SPAG17: variants seen among roughly 807,000 people sequenced by gnomAD.
The protein encoded by SPAG17 is sperm-associated antigen 17.
Under a neutral mutation model 273.6 loss-of-function variants are expected in SPAG17, and 169 were observed. The ratio of observed to expected loss-of-function variants is 0.62; its 90% CI spans 0.55 to 0.70. The LOEUF (loss-of-function observed/expected upper bound fraction) is 0.70. Among genes scored for constraint, SPAG17 ranks in the 30% least tolerant of loss-of-function variants. The pLI, the probability that SPAG17 is intolerant of heterozygous loss-of-function variation, is 0.00. For missense variants in SPAG17, 2,557 were observed against 2,627.8 expected (o/e 0.97, Z 0.59); for synonymous variants, 825 against 873.2 (o/e 0.94, Z 0.97).
intron 32 of SPAG17, among the ~76,000 whole-genome samples, chr1:117,999,998 G>T (rs1167932782): frequency 1.3e-5 from 2 of 152,126 alleles, no homozygotes; most frequent in African/African-American, 4.8e-5. Context: ...ATTAATTTTT[G>T]TCTAAGGTGT....
chr1:118,184,941 G>A (rs2102418178), intron 1 of SPAG17, 130 bp downstream of exon 1: 1 of 761,298 alleles, frequency 1.3e-6, no homozygotes, highest in East Asian at 2.5e-5. Flanking sequence ...CTGGGACCCT[G>A]GGTCCTGGAA....
At chr1:118,144,693 C>T (rs1191557465) in intron 3 of SPAG17, among the ~76,000 whole-genome samples, 1 of 152,180 alleles carries the variant, frequency 6.6e-6, no homozygotes, top group African/African-American at 2.4e-5. Context: ...GTTCTGTAGG[C>T]ATCCCTGAAG....
At chr1:118,179,409 C>T (rs978544784) in intron 1 of SPAG17, among the ~76,000 whole-genome samples, 2 of 151,982 alleles carry the variant, frequency 1.3e-5, no homozygotes, top group Non-Finnish European at 2.9e-5. Flanking sequence ...TGAAACTAGA[C>T]CCCTGTCTCT....
At chr1:118,089,255 C>A (rs150674690) in intron 10 of SPAG17, among the ~76,000 whole-genome samples, 195 of 150,704 alleles carry the variant, frequency 1.3e-3, no homozygotes, top group African/African-American at 4.6e-3. Context: ...GCTTTCTAGG[C>A]AGAGAAGGTA....
chr1:118,025,417 C>G lies in SPAG17; in HGVS notation c.3731-1G>C. 1 of 1,527,668 alleles carries G rather than the reference C, an allele frequency of 6.5e-7. No homozygotes were observed. The highest frequency in any genetic ancestry group is 2.3e-5 in the East Asian group (1 of 42,648). 94.6% of individuals were successfully genotyped at this position (1,527,668 alleles called of 1,614,324 possible). ...GGTTCCTCATCTATAACATATTGAC[C>G]TAAAAAAAGAATAAAGCCTTCTTGT... On this transcript the variant is annotated splice_acceptor_variant, in intron 26 of 48. Coordinates refer to ENST00000336338, the MANE Select transcript of SPAG17 (RefSeq NM_206996.4). LOFTEE classifies it high-confidence loss of function.
intron 3 of SPAG17, among the ~76,000 whole-genome samples, chr1:118,134,306 AG>A (rs369044265): frequency 6.6e-6 from 1 of 152,344 alleles, no homozygotes; most frequent in African/African-American, 2.4e-5. Flanking sequence ...CTAACATCAC[AG>A]TATGTGGAAA....
chr1:117,985,635 C>T (rs1656318993), intron 40 of SPAG17, among the ~76,000 whole-genome samples: 2 of 152,144 alleles, frequency 1.3e-5, no homozygotes, highest in African/African-American at 4.8e-5. Flanking sequence ...CTTTTTAATA[C>T]AAGCACTGAT....
chr1:118,173,845 G>A (rs1005806997), intron 1 of SPAG17, among the ~76,000 whole-genome samples: 1 of 135,560 alleles, frequency 7.4e-6, no homozygotes, highest in Admixed American at 7.5e-5. Context: ...GGGTGACAGA[G>A]CGAGACCCTG....
chr1:117,954,235 A>T, intron 48 of SPAG17, 186 bp from the exon 49 acceptor site: 1 of 748,854 alleles, frequency 1.3e-6, no homozygotes, highest in Non-Finnish European at 2.1e-6. Flanking sequence ...ACTATATTAG[A>T]AGAAATTGAG....
intron 30 of SPAG17, among the ~76,000 whole-genome samples, chr1:118,011,307 A>T (rs1659440197): frequency 2.0e-5 from 3 of 152,210 alleles, no homozygotes; most frequent in African/African-American, 7.2e-5. Context: ...AATAGTAAAG[A>T]TATGGAATCA....
intron 48 of SPAG17, chr1:117,963,332 A>C (rs1653355777): frequency 6.6e-6 from 1 of 152,448 alleles, no homozygotes. Flanking sequence ...ATATATAAAG[A>C]AGCAACTAGT....
chr1:118,029,756 C>G (rs1451285745), intron 25 of SPAG17, among the ~76,000 whole-genome samples: 1 of 152,076 alleles, frequency 6.6e-6, no homozygotes, highest in Non-Finnish European at 1.5e-5. Flanking sequence ...CTTTTGTTAA[C>G]CACCAAAATC....
intron 41 of SPAG17, among the ~76,000 whole-genome samples, chr1:117,984,404 C>A (rs1226999162): frequency 6.6e-6 from 1 of 152,104 alleles, no homozygotes; most frequent in Non-Finnish European, 1.5e-5. Context: ...AAAGGCTTAA[C>A]ATAGATGGGA....
At position 118,036,439 on chromosome 1, in the gene SPAG17, G is replaced by A. The variant is rs1649081821; in HGVS notation, c.3433+331C>T. ...GTTAACAAGGATAACTGGTATATAT[G>A]TGTGTATATACATGTATACATACAT... On this transcript the variant is annotated intron_variant, in intron 24 of 48. Transcript: ENST00000336338. 1.3e-5 allele frequency among the ~76,000 whole-genome samples: 2 copies of A among 151,822 alleles called. 1 individual carries two copies. Among genetic ancestry groups the A allele is most frequent in the South Asian group, 4.2e-4 (2 of 4,792 alleles).
intron 43 of SPAG17, among the ~76,000 whole-genome samples, chr1:117,975,918 G>T (rs978226264): frequency 2.6e-5 from 4 of 152,090 alleles, no homozygotes; most frequent in Admixed American, 2.6e-4. Flanking sequence ...AGTAAATATG[G>T]TATGGAGTTT....
chr1:118,078,748 C>T (rs1185628490), intron 15 of SPAG17, among the ~76,000 whole-genome samples: 3 of 151,996 alleles, frequency 2.0e-5, no homozygotes, highest in South Asian at 2.1e-4. Flanking sequence ...AGTAGTGTTT[C>T]TTCTCTTGCT....
At chr1:117,988,011 A>C (rs1656628503) in intron 39 of SPAG17, 94 bp downstream of exon 39, 1 of 1,411,272 alleles carries the variant, frequency 7.1e-7, no homozygotes, top group Non-Finnish European at 9.7e-7. Context: ...GAATTCATTG[A>C]TGTAGTCACC....
chr1:117,981,423 T>A, intron 42 of SPAG17, 22 bp from the exon 43 acceptor site: 1 of 1,579,940 alleles, frequency 6.3e-7, no homozygotes, highest in Non-Finnish European at 8.5e-7. Context: ...AAAATGAACC[T>A]TATAAAGTGA....
At chr1:117,985,823 G>C (rs1259855103) in intron 40 of SPAG17, among the ~76,000 whole-genome samples, 1 of 152,112 alleles carries the variant, frequency 6.6e-6, no homozygotes, top group South Asian at 2.1e-4. Flanking sequence ...CCAAAGCATA[G>C]AGAGGTTAAG....
Sources: gnomAD v4.1 joint callset for allele counts (sites outside exome capture counted in the v4.1 genomes callset) on GRCh38, gnomAD v4.1.1 for gene constraint, MANE v1.5 for transcripts, NCBI Gene and HGNC (gene_info 2026-07-23, HGNC 2026-07-21) for gene names.